Variants in LMO1 observed in about 807,000 individuals in gnomAD.
The protein encoded by LMO1 is rhombotin-1.
LMO1 carries 10 observed loss-of-function variants against 18.0 expected under a neutral mutation model. That is an observed-to-expected ratio of 0.55 (90% CI 0.34 to 0.94). The LOEUF (loss-of-function observed/expected upper bound fraction) is 0.94. Among genes scored for constraint, LMO1 ranks in the 40% least tolerant of loss-of-function variants. The probability of loss-of-function intolerance (pLI) is 0.02; values close to 1 mark genes in which losing one functional copy is unlikely to be tolerated. For missense variants in LMO1, 183 were observed against 205.7 expected (o/e 0.89, Z 0.68); for synonymous variants, 77 against 77.9 (o/e 0.99, Z 0.06).
intron 2 of LMO1, among the ~76,000 whole-genome samples, chr11:8,227,419 T>C (rs978757868): frequency 1.3e-5 from 2 of 152,158 alleles, no homozygotes; most frequent in Non-Finnish European, 2.9e-5. Flanking sequence ...AATCCTAGGC[T>C]GGGCCCTGAG....
intron 1 of LMO1, among the ~76,000 whole-genome samples, chr11:8,246,481 G>A (rs1239475785): frequency 6.6e-6 from 1 of 150,472 alleles, no homozygotes; most frequent in African/African-American, 2.5e-5. Context: ...GAAATGTCCA[G>A]AATAGGCAAA....
At position 8,230,468 on chromosome 11, in the gene LMO1, T is replaced by C. The variant is rs1337544333; in HGVS notation, c.62A>G (p.Gln21Arg). 6.2e-7 allele frequency: 1 copy of C among 1,613,686 alleles called. No individual in the cohort carries two copies. Among genetic ancestry groups the C allele is most frequent in the South Asian group, 1.1e-5 (1 of 91,086 alleles). ...GCGGTTACAGCCCGCACAGCCCTTCTGCTTCCCTTTGGGCTGGACGGAGAG... is the reference window on the plus strand; with the variant it reads ...GCGGTTACAGCCCGCACAGCCCTTCCGCTTCCCTTTGGGCTGGACGGAGAG... ...PMLSVQPKGK[Q>R]KGCAGCNRKI... Residue 21 changes from glutamine (Q) to arginine (R), a missense_variant, in exon 2 of 4, where the codon CAG becomes CGG. Physicochemically the swap from Gln to Arg is conservative, Grantham distance 43. Transcript: ENST00000335790.
chr11:8,248,640 G>T (rs1409006139), intron 1 of LMO1, among the ~76,000 whole-genome samples: 1 of 152,232 alleles, frequency 6.6e-6, no homozygotes, highest in Non-Finnish European at 1.5e-5. Flanking sequence ...ATAGGTAAGG[G>T]TAGGGAGACC....
intron 2 of LMO1, 49 bp from the exon 3 acceptor site, chr11:8,227,149 G>A (rs1952562245): frequency 1.3e-6 from 2 of 1,583,470 alleles, no homozygotes; most frequent in African/African-American, 1.3e-5. Context: ...GGGAAGCTGG[G>A]TGGGCAGGGG....
chr11:8,225,166 C>G (rs1448774001), intron 3 of LMO1, among the ~76,000 whole-genome samples: 1 of 151,704 alleles, frequency 6.6e-6, no homozygotes, highest in African/African-American at 2.4e-5. Flanking sequence ...GTAATCCCAA[C>G]ACTTTGGGAG....
At chr11:8,246,265 A>T (rs896530218) in intron 1 of LMO1, among the ~76,000 whole-genome samples, 5 of 152,248 alleles carry the variant, frequency 3.3e-5, no homozygotes, top group African/African-American at 1.2e-4. Context: ...CATTACTCAC[A>T]ACAGCCAAAA....
chr11:8,259,950 T>C (rs1847158173), intron 1 of LMO1, among the ~76,000 whole-genome samples: 1 of 152,110 alleles, frequency 6.6e-6, no homozygotes, highest in South Asian at 2.1e-4. Context: ...ATGTCTGGTG[T>C]TTAGTTCCAC....
At chr11:8,257,753 G>A (rs186764947) in intron 1 of LMO1, among the ~76,000 whole-genome samples, 107 of 152,354 alleles carry the variant, frequency 7.0e-4, no homozygotes, top group Middle Eastern at 3.4e-3. Flanking sequence ...GGACGTGGGC[G>A]AGTAGTGAGG....
rs775443195 is a variant in LMO1, at chr11:8,227,105, C to A, written c.240-5G>T. On this transcript the variant is annotated splice_polypyrimidine_tract_variant and splice_region_variant and intron_variant, in intron 2 of 3. Coordinates refer to ENST00000335790, the MANE Select transcript of LMO1 (RefSeq NM_002315.3). ...TTCCCTGTGGTGCCAAAGAGCCTGC[C>A]GAGGGAAGGGCGCAGAGGACTCAGC... 5.6e-6 allele frequency: 9 copies of A among 1,612,006 alleles called. No homozygotes were observed. The African/African-American group carries it at 1.2e-4, about 22-fold the overall frequency.
At chr11:8,245,340 C>G (rs1229830165) in intron 1 of LMO1, among the ~76,000 whole-genome samples, 1 of 152,148 alleles carries the variant, frequency 6.6e-6, no homozygotes, top group Non-Finnish European at 1.5e-5. Context: ...GCCATCGACC[C>G]ATATTGTGAA....
intron 1 of LMO1, among the ~76,000 whole-genome samples, chr11:8,242,307 A>G (rs1846809104): frequency 6.6e-6 from 1 of 152,104 alleles, no homozygotes; most frequent in Non-Finnish European, 1.5e-5. Flanking sequence ...TTTACACATA[A>G]ATACCCATCT....
At chr11:8,230,962 T>A (rs772339094) in intron 1 of LMO1, among the ~76,000 whole-genome samples, 4 of 152,182 alleles carry the variant, frequency 2.6e-5, no homozygotes, top group Non-Finnish European at 5.9e-5. Flanking sequence ...AACTCGTCTT[T>A]CTCCAGCTGA....
At chr11:8,262,985 A>C (rs1847212833) in intron 1 of LMO1, among the ~76,000 whole-genome samples, 1 of 152,036 alleles carries the variant, frequency 6.6e-6, no homozygotes. Context: ...CAGACACGAA[A>C]TGCTCAGAGC....
chr11:8,244,451 G>A (rs1234119581), intron 1 of LMO1, among the ~76,000 whole-genome samples: 1 of 152,248 alleles, frequency 6.6e-6, no homozygotes, highest in East Asian at 1.9e-4. Flanking sequence ...CCGCATGGCG[G>A]GCACAGCCGA....
At chr11:8,261,938 A>G (rs531526465) in intron 1 of LMO1, among the ~76,000 whole-genome samples, 2 of 152,084 alleles carry the variant, frequency 1.3e-5, no homozygotes, top group African/African-American at 2.4e-5. Flanking sequence ...TCCTACACAC[A>G]TACTGAGAGC....
Position 8,244,867 on chromosome 11 carries a change from C to T in LMO1, c.26-14363G>A, listed in dbSNP as rs567644642. 2.0e-5 allele frequency among the ~76,000 whole-genome samples: 3 copies of T among 152,314 alleles called. No homozygotes were observed. The East Asian group carries it at 5.8e-4, about 29-fold the overall frequency. On this transcript the variant is annotated intron_variant, in intron 1 of 3. Transcript: ENST00000335790. ...CCCAGGGGACTCTCCACCTTCTGCT[C>T]ACCTTCCTGGCCAGCCCAAGCAAGG...
At chr11:8,240,319 T>C (rs532521049) in intron 1 of LMO1, among the ~76,000 whole-genome samples, 14 of 152,256 alleles carry the variant, frequency 9.2e-5, no homozygotes, top group Non-Finnish European at 1.5e-4. Flanking sequence ...AACCTATCCT[T>C]AGGAATACTG....
chr11:8,265,119 A>G (rs1056549245), upstream of LMO1, among the ~76,000 whole-genome samples: 2 of 152,244 alleles, frequency 1.3e-5, no homozygotes, highest in Non-Finnish European at 2.9e-5. Context: ...CTGAAGGGCC[A>G]CCAGTTGGGA....
At chr11:8,233,829 T>C (rs1952714835) in intron 1 of LMO1, among the ~76,000 whole-genome samples, 1 of 152,162 alleles carries the variant, frequency 6.6e-6, no homozygotes, top group Admixed American at 6.5e-5. Context: ...ATCCCTTTGC[T>C]GAAGTCCATT....
Sources: allele counts gnomAD v4.1 joint callset (sites outside exome capture counted in the v4.1 genomes callset), GRCh38; gene constraint gnomAD v4.1.1; transcripts MANE v1.5; gene names NCBI Gene and HGNC (gene_info 2026-07-23, HGNC 2026-07-21).